Variants in PRIMA1 observed in about 807,000 individuals in gnomAD.
PRIMA1 encodes proline-rich membrane anchor 1.
A neutral mutation model predicts 17.5 loss-of-function variants in PRIMA1; 7 were observed. The ratio of observed to expected loss-of-function variants is 0.40; its 90% CI spans 0.23 to 0.75. The LOEUF is 0.75. Among genes scored for constraint, PRIMA1 ranks in the 30% least tolerant of loss-of-function variants. The pLI is 0.37. For synonymous variants in PRIMA1, 97 were observed against 77.9 expected (o/e 1.25, Z -1.29); for missense variants, 200 against 201.8 (o/e 0.99, Z 0.05).
chr14:93,777,755 T>C (rs574149559), intron 3 of PRIMA1, among the ~76,000 whole-genome samples: 1 of 152,338 alleles, frequency 6.6e-6, no homozygotes, highest in Non-Finnish European at 1.5e-5. Flanking sequence ...GGCCACTCTT[T>C]GTGGGTTGCT....
chr14:93,723,317 G>A (rs1038276514), intron 4 of PRIMA1, among the ~76,000 whole-genome samples: 1 of 152,188 alleles, frequency 6.6e-6, no homozygotes, highest in Admixed American at 6.5e-5. Flanking sequence ...GGAGTTGATT[G>A]CTTCTGCCTT....
At chr14:93,745,993 C>T (rs534145921) in intron 3 of PRIMA1, among the ~76,000 whole-genome samples, 1 of 152,148 alleles carries the variant, frequency 6.6e-6, no homozygotes, top group Non-Finnish European at 1.5e-5. Context: ...CGCCGCTGCC[C>T]CCATCCTTCC....
At chr14:93,788,351 G>C (rs1885590290) in intron 1 of PRIMA1, 59 bp downstream of exon 1, 1 of 152,664 alleles carries the variant, frequency 6.6e-6, no homozygotes. Context: ...TCCCGCTCCC[G>C]GGCGTGGGTT....
intron 3 of PRIMA1, among the ~76,000 whole-genome samples, chr14:93,770,313 G>A (rs1454392827): frequency 2.6e-5 from 4 of 152,126 alleles, no homozygotes; most frequent in South Asian, 2.1e-4. Flanking sequence ...CTCAAAACCC[G>A]CTGGCTTCTG....
At position 93,721,554 on chromosome 14, in the gene PRIMA1, T is replaced by TG. The variant is rs1249408620; in HGVS notation, c.360-9dup. ...TCTTTTCTCAGTGGTTTCCTGGAAG[T>TG]GGGGGGAGGGGACAGGAAAGGCAAA... On this transcript the variant is annotated splice_polypyrimidine_tract_variant and intron_variant, in intron 4 of 4. Coordinates refer to ENST00000393140, the MANE Select transcript of PRIMA1 (RefSeq NM_178013.4). 1 of 1,588,276 alleles carries TG rather than the reference T, an allele frequency of 6.3e-7. No individual in the cohort carries two copies. Among genetic ancestry groups the TG allele is most frequent in the African/African-American group, 1.4e-5 (1 of 72,944 alleles).
rs1186533521 is a variant in PRIMA1 at position 93,724,267 on chromosome 14, C to T, written c.360-2721G>A. Among the ~76,000 whole-genome samples the T allele has an allele frequency of 5.3e-5, 8 of 152,308 alleles. No homozygotes were observed. The East Asian group carries it at 1.2e-3, about 22-fold the overall frequency. On this transcript the variant is annotated intron_variant, in intron 4 of 4. Coordinates refer to ENST00000393140, the MANE Select transcript of PRIMA1 (RefSeq NM_178013.4). ...CCTCTTAGAGATTCTGCAGAGTCCT[C>T]CAAGAAAACTGTCTCCTTTTGCTTT...
chr14:93,786,161 A>T (rs1238950791), intron 2 of PRIMA1, among the ~76,000 whole-genome samples: 1 of 152,234 alleles, frequency 6.6e-6, no homozygotes, highest in East Asian at 1.9e-4. Context: ...AAACGAAGTG[A>T]ACTCAATATC....
chr14:93,772,631 C>G (rs1242114698), intron 3 of PRIMA1, among the ~76,000 whole-genome samples: 1 of 152,272 alleles, frequency 6.6e-6, no homozygotes. Flanking sequence ...GGTTCATGCC[C>G]ACCCATGCCT....
intron 3 of PRIMA1, among the ~76,000 whole-genome samples, chr14:93,757,287 C>T (rs2076297612): frequency 1.3e-5 from 2 of 152,134 alleles, no homozygotes; most frequent in South Asian, 4.1e-4. Context: ...GACACGGCCG[C>T]ACTTGAGAAC....
At chr14:93,781,983 T>G (rs1392450664) in intron 2 of PRIMA1, among the ~76,000 whole-genome samples, 1 of 136,792 alleles carries the variant, frequency 7.3e-6, no homozygotes, top group Non-Finnish European at 1.6e-5. Context: ...CAAAAAAGAA[T>G]AAGGCCGGGC....
At chr14:93,779,389 C>G in intron 2 of PRIMA1, 78 bp from the exon 3 acceptor site, 1 of 1,264,412 alleles carries the variant, frequency 7.9e-7, no homozygotes, top group Non-Finnish European at 1.1e-6. Context: ...CCCAGGCCAC[C>G]CCGTCCCCTG....
At chr14:93,756,321 GC>G (rs2076290186) in intron 3 of PRIMA1, among the ~76,000 whole-genome samples, 21 of 152,184 alleles carry the variant, frequency 1.4e-4, no homozygotes, top group Admixed American at 4.6e-4. Context: ...AGGGGCAGTG[GC>G]CCAGGCTGTG....
intron 3 of PRIMA1, among the ~76,000 whole-genome samples, chr14:93,746,730 G>C (rs1326270139): frequency 6.6e-6 from 1 of 152,178 alleles, no homozygotes; most frequent in Non-Finnish European, 1.5e-5. Context: ...CGAGATGGCG[G>C]GGCTCAGACT....
rs544609433 is a variant in PRIMA1 at position 93,733,900 on chromosome 14, G to C, written c.359+3341C>G. Among the ~76,000 whole-genome samples the C allele has an allele frequency of 2.3e-4, 35 of 152,320 alleles. No homozygotes were observed. The East Asian group carries it at 4.6e-3, about 20-fold the overall frequency. On this transcript the variant is annotated intron_variant, in intron 4 of 4. Transcript: ENST00000393140. ...AGCCCCAGCTGAGGTCAGCGCCTGG[G>C]GGGGCAGTGGGGAGCACTCTGCTCT... is the stretch of plus-strand genomic sequence containing the variant.
chr14:93,744,436 G>T (rs2076203709), intron 3 of PRIMA1, among the ~76,000 whole-genome samples: 1 of 152,242 alleles, frequency 6.6e-6, no homozygotes, highest in South Asian at 2.1e-4. Context: ...ACCTCCTATG[G>T]CGGCTGGGGG....
chr14:93,742,719 G>C (rs2076191914), intron 3 of PRIMA1, among the ~76,000 whole-genome samples: 1 of 152,184 alleles, frequency 6.6e-6, no homozygotes, highest in Non-Finnish European at 1.5e-5. Context: ...GTCCTCATAG[G>C]GTTTTTGTGA....
intron 4 of PRIMA1, among the ~76,000 whole-genome samples, chr14:93,730,906 G>C (rs1460869788): frequency 1.3e-5 from 2 of 152,196 alleles, no homozygotes; most frequent in Non-Finnish European, 2.9e-5. Context: ...GGTTCCCAGG[G>C]AGGAGCCATA....
intron 2 of PRIMA1, among the ~76,000 whole-genome samples, chr14:93,785,980 A>G (rs1885514638): frequency 6.6e-6 from 1 of 152,120 alleles, no homozygotes; most frequent in Non-Finnish European, 1.5e-5. Flanking sequence ...TGCTTTCACA[A>G]AATTATTTCT....
rs115040839 is a variant in PRIMA1, at chr14:93,746,408, G to A, written c.230-9038C>T. Among the ~76,000 whole-genome samples, 288 of 152,178 alleles carry A rather than the reference G, an allele frequency of 1.9e-3. 2 individuals are homozygous for A. Among genetic ancestry groups the A allele is most frequent in the African/African-American group, 6.6e-3 (274 of 41,516 alleles). The stretch of plus-strand genomic sequence containing the variant: ...GACACTGGAGCAAAGACTGGAATTC[G>A]GCAGGGAGTTCATCATACAGGTATC... On this transcript the variant is annotated intron_variant, in intron 3 of 4. Transcript: ENST00000393140.
Sources: allele counts gnomAD v4.1 joint callset (sites outside exome capture counted in the v4.1 genomes callset), GRCh38; gene constraint gnomAD v4.1.1; transcripts MANE v1.5; gene names NCBI Gene and HGNC (gene_info 2026-07-23, HGNC 2026-07-21).